GABPB1: variants seen among roughly 807,000 people sequenced by gnomAD.
GABPB1 encodes GA-binding protein subunit beta-1.
In GABPB1, 15 loss-of-function variants were observed where a neutral mutation model predicts 45.9. That is an observed-to-expected ratio of 0.33 (90% CI 0.22 to 0.50). The LOEUF (loss-of-function observed/expected upper bound fraction) is 0.50, where lower values mean the gene tolerates loss of function less well. Ranked by LOEUF, GABPB1 falls within the 20% of genes least tolerant of loss-of-function variation. The pLI, the probability that GABPB1 is intolerant of heterozygous loss-of-function variation, is 0.98. For synonymous variants in GABPB1, 143 were observed against 154.4 expected (o/e 0.93, Z 0.55); for missense variants, 252 against 457.5 (o/e 0.55, Z 4.10).
intron 1 of GABPB1, among the ~76,000 whole-genome samples, chr15:50,346,041 G>T (rs1207086270): frequency 6.6e-6 from 1 of 152,050 alleles, no homozygotes; most frequent in Admixed American, 6.6e-5. Context: ...AGGTAGGGAA[G>T]AAAAAACATT....
At chr15:50,320,718 T>C (rs1257539604) in intron 1 of GABPB1, among the ~76,000 whole-genome samples, 1 of 152,110 alleles carries the variant, frequency 6.6e-6, no homozygotes, top group African/African-American at 2.4e-5. Flanking sequence ...AGACTTCTTA[T>C]AAGAGGGAGA....
chr15:50,308,521 T>C (rs1367362898), intron 2 of GABPB1, among the ~76,000 whole-genome samples: 1 of 152,180 alleles, frequency 6.6e-6, no homozygotes, highest in Non-Finnish European at 1.5e-5. Context: ...TCCTGCTTTA[T>C]CCCTACACTG....
intron 1 of GABPB1, among the ~76,000 whole-genome samples, chr15:50,313,972 T>C (rs2047220200): frequency 6.6e-6 from 1 of 152,128 alleles, no homozygotes. Flanking sequence ...AAAGAAAATG[T>C]ATAATGTTGG....
At chr15:50,329,121 C>A (rs953871981) in intron 1 of GABPB1, among the ~76,000 whole-genome samples, 7 of 152,240 alleles carry the variant, frequency 4.6e-5, no homozygotes, top group African/African-American at 1.7e-4. Context: ...TTACGCATGT[C>A]CCCTGCTCCA....
chr15:50,303,109 G>A lies in GABPB1; in HGVS notation c.291C>T (p.Val97=). The A allele has an allele frequency of 6.2e-7, 1 of 1,609,782 alleles. No individual in the cohort carries two copies. The highest frequency in any genetic ancestry group is 8.5e-7 in the Non-Finnish European group (1 of 1,178,756). ...VEVLLKHGAD[V]NAKDMLKMTA... is the part of the protein sequence containing the mutation. Reference sequence around the variant, plus strand: ...TCATCTTTAACATGTCCTTTGCATTGACATCAGCACCATGCTACAAAAATA... The same window carrying A: ...TCATCTTTAACATGTCCTTTGCATTAACATCAGCACCATGCTACAAAAATA... Residue 97 remains valine, a synonymous_variant, in exon 4 of 9, where the codon GTC becomes GTT. Transcript: ENST00000380877.
chr15:50,282,189 G>C (rs2045997555), intron 8 of GABPB1: 2 of 422,762 alleles, frequency 4.7e-6, no homozygotes, highest in Non-Finnish European at 9.4e-6. Flanking sequence ...AACACAGTGA[G>C]ACCCTGTCTC....
intron 1 of GABPB1, among the ~76,000 whole-genome samples, chr15:50,317,002 A>C (rs538161127): frequency 1.3e-5 from 2 of 152,028 alleles, no homozygotes; most frequent in African/African-American, 4.8e-5. Flanking sequence ...AAATATTTTT[A>C]AAATAATACT....
intron 8 of GABPB1, chr15:50,282,469 G>A: frequency 6.2e-6 from 2 of 321,836 alleles, no homozygotes; most frequent in Non-Finnish European, 1.2e-5. Context: ...TGGGAAGCTT[G>A]CTTGAGCCCA....
chr15:50,339,992 A>G (rs1455633221), intron 1 of GABPB1, among the ~76,000 whole-genome samples: 1 of 152,198 alleles, frequency 6.6e-6, no homozygotes, highest in Non-Finnish European at 1.5e-5. Flanking sequence ...TCCCCACAAA[A>G]TTAACATGTT....
At chr15:50,348,679 T>G (rs1368245447) in intron 1 of GABPB1, among the ~76,000 whole-genome samples, 1 of 151,480 alleles carries the variant, frequency 6.6e-6, no homozygotes. Flanking sequence ...CTGACCAACA[T>G]GGTGAAACCA....
intron 6 of GABPB1, among the ~76,000 whole-genome samples, chr15:50,293,823 A>T (rs2046425887): frequency 6.6e-6 from 1 of 152,194 alleles, no homozygotes; most frequent in African/African-American, 2.4e-5. Flanking sequence ...CTATGGTAAG[A>T]TATTTAAGAA....
intron 1 of GABPB1, among the ~76,000 whole-genome samples, chr15:50,323,336 G>T (rs779191272): frequency 2.0e-5 from 3 of 152,152 alleles, no homozygotes; most frequent in African/African-American, 4.8e-5. Context: ...TAGGAGCCAT[G>T]ACAACAAAAC....
chr15:50,291,484 ATTTTTTT>A (rs537438110), intron 6 of GABPB1, among the ~76,000 whole-genome samples: 1 of 140,082 alleles, frequency 7.1e-6, no homozygotes, highest in African/African-American at 2.6e-5. Context: ...ACGCCTGGTA[ATTTTTTT>A]TTTTTTTTTG....
chr15:50,315,565 G>T (rs139122076), intron 1 of GABPB1, among the ~76,000 whole-genome samples: 114 of 152,260 alleles, frequency 7.5e-4, no homozygotes, highest in African/African-American at 2.7e-3. Flanking sequence ...AAAATCAAAG[G>T]TCCTCTGATT....
intron 6 of GABPB1, among the ~76,000 whole-genome samples, chr15:50,297,393 A>G (rs1183512671): frequency 1.3e-5 from 2 of 151,308 alleles, no homozygotes; most frequent in Non-Finnish European, 2.9e-5. Flanking sequence ...TTGTGTTTTT[A>G]GTAGAGACAG....
intron 6 of GABPB1, among the ~76,000 whole-genome samples, chr15:50,292,837 A>T (rs911023200): frequency 2.6e-5 from 3 of 115,414 alleles, no homozygotes; most frequent in African/African-American, 1.1e-4. Context: ...GCAAAATAAA[A>T]GTGTGTATAT....
intron 1 of GABPB1, among the ~76,000 whole-genome samples, chr15:50,339,562 G>A (rs2141152144): frequency 6.6e-6 from 1 of 150,978 alleles, no homozygotes; most frequent in Admixed American, 6.6e-5. Flanking sequence ...TTCCACCTAA[G>A]CTATATATTT....
intron 1 of GABPB1, among the ~76,000 whole-genome samples, chr15:50,336,650 T>A (rs1036211395): frequency 1.3e-5 from 2 of 151,604 alleles, no homozygotes; most frequent in African/African-American, 4.8e-5. Flanking sequence ...GCCACTGCAC[T>A]CCATCCTGGG....
intron 1 of GABPB1, among the ~76,000 whole-genome samples, chr15:50,342,963 CG>C (rs1311092680): frequency 3.1e-5 from 3 of 95,902 alleles, no homozygotes; most frequent in Non-Finnish European, 6.1e-5. Context: ...TGCAGTGGCA[CG>C]ATCTTGGCTC....
Sources: allele counts gnomAD v4.1 joint callset (sites outside exome capture counted in the v4.1 genomes callset), GRCh38; gene constraint gnomAD v4.1.1; transcripts MANE v1.5; gene names NCBI Gene and HGNC (gene_info 2026-07-23, HGNC 2026-07-21).